USP32: variants seen among roughly 807,000 people sequenced by gnomAD.
USP32 encodes the protein ubiquitin carboxyl-terminal hydrolase 32.
USP32 carries 59 observed loss-of-function variants against 204.8 expected under a neutral mutation model. That is an observed-to-expected ratio of 0.29 (90% CI 0.23 to 0.36). USP32 has a LOEUF of 0.36. Among genes scored for constraint, USP32 ranks in the 10% least tolerant of loss-of-function variants. USP32 has a pLI of 1.00. For synonymous variants in USP32, 517 were observed against 678.4 expected (o/e 0.76, Z 3.70); for missense variants, 1,160 against 1,946.4 (o/e 0.60, Z 7.60).
At chr17:60,297,446 T>C (rs1016856782) in intron 3 of USP32, among the ~76,000 whole-genome samples, 1 of 139,194 alleles carries the variant, frequency 7.2e-6, no homozygotes, top group South Asian at 2.1e-4. Flanking sequence ...TTTTTCCTTT[T>C]CTTTTTTTTT....
intron 2 of USP32, among the ~76,000 whole-genome samples, chr17:60,324,485 T>C (rs1017065186): frequency 6.6e-6 from 1 of 151,944 alleles, no homozygotes; most frequent in Non-Finnish European, 1.5e-5. Flanking sequence ...TTCCTATAGA[T>C]AGAATTTTAT....
At chr17:60,411,235 A>T (rs1031947096) in intron 1 of USP32, among the ~76,000 whole-genome samples, 4 of 151,874 alleles carry the variant, frequency 2.6e-5, no homozygotes, top group African/African-American at 9.7e-5. Context: ...GAGGCAGGAG[A>T]ATCGCTTGAA....
rs751280267 is a variant in USP32, at chr17:60,252,416, T to A, written c.1101A>T (p.Arg367Ser). Residue 367 changes from arginine to serine, a missense_variant, in exon 11 of 34, where the codon AGA becomes AGT. Around this residue, in one of 8 missense-constraint regions of USP32, gnomAD observed 536 missense variants for 680.9 expected, o/e 0.79. Coordinates refer to ENST00000300896, the MANE Select transcript of USP32 (RefSeq NM_032582.4). ...FQVCHIVLGL[R>S]PATPEEEGQI... ...GTCCTTCTTCTTCCGGAGTAGCTGG[T>A]CTTAACCCCAGAACTATGTGACACA... 1 of 1,610,738 alleles carries A rather than the reference T, an allele frequency of 6.2e-7. No individual in the cohort carries two copies. Among genetic ancestry groups the A allele is most frequent in the Non-Finnish European group, 8.5e-7 (1 of 1,178,580 alleles).
At chr17:60,212,167 T>C (rs1320280584) in intron 18 of USP32, 69 bp from the exon 19 acceptor site, 1 of 1,323,112 alleles carries the variant, frequency 7.6e-7, no homozygotes. Context: ...TTGCTTTTTT[T>C]TTTTAAAGAC....
At chr17:60,213,028 C>A (rs1389763787) in intron 18 of USP32, among the ~76,000 whole-genome samples, 1 of 152,220 alleles carries the variant, frequency 6.6e-6, no homozygotes, top group Non-Finnish European at 1.5e-5. Flanking sequence ...GCTGGGATTA[C>A]AGGCGTGAGC....
chr17:60,245,603 CT>C, intron 11 of USP32: 2 of 318,866 alleles, frequency 6.3e-6, no homozygotes, highest in Admixed American at 3.7e-5. Flanking sequence ...TCTTGGTTCT[CT>C]TTTTGATGAT....
At chr17:60,379,261 A>C (rs537316312) in intron 1 of USP32, among the ~76,000 whole-genome samples, 8 of 152,200 alleles carry the variant, frequency 5.3e-5, no homozygotes, top group Non-Finnish European at 7.4e-5. Flanking sequence ...GCACTGGCAT[A>C]AATTGAGGCA....
rs114933597 is a variant in USP32, at chr17:60,242,194, C to T, written c.1137-5954G>A. ...TATTCACAGGTGTGATCACTGCATA[C>T]TCACACTAAAGCCGTGAACTCCTGG... is the stretch of plus-strand genomic sequence containing the variant. On this transcript the variant is annotated intron_variant, in intron 11 of 33. Transcript: ENST00000300896. 1.3e-3 allele frequency among the ~76,000 whole-genome samples: 199 copies of T among 152,224 alleles called. 1 individual carries two copies. Among genetic ancestry groups the T allele is most frequent in the African/African-American group, 4.5e-3 (186 of 41,536 alleles).
At chr17:60,210,806 C>G (rs2084943023) in intron 21 of USP32, among the ~76,000 whole-genome samples, 2 of 152,248 alleles carry the variant, frequency 1.3e-5, no homozygotes, top group Admixed American at 1.3e-4. Flanking sequence ...TAGAGTGTAC[C>G]TTTGGTCTTT....
intron 1 of USP32, 41 bp downstream of exon 1, chr17:60,391,841 C>T (rs369627051): frequency 1.4e-5 from 23 of 1,590,976 alleles, no homozygotes; most frequent in Non-Finnish European, 1.8e-5. Context: ...CTGCCCGTCG[C>T]GGGCCTCCCA....
At chr17:60,421,881 G>C (rs1256093113) in intron 1 of USP32, 1 of 985,460 alleles carries the variant, frequency 1.0e-6, no homozygotes, top group African/African-American at 1.7e-5. Context: ...ACTTGCCCGC[G>C]TCTCAGCGCC....
intron 1 of USP32, among the ~76,000 whole-genome samples, chr17:60,397,171 A>G (rs1038736615): frequency 6.6e-6 from 1 of 152,242 alleles, no homozygotes; most frequent in Non-Finnish European, 1.5e-5. Context: ...ATGGACTCCA[A>G]CTTTGAACAT....
intron 2 of USP32, among the ~76,000 whole-genome samples, chr17:60,316,800 T>TA (rs1302185227): frequency 1.3e-5 from 2 of 152,044 alleles, no homozygotes; most frequent in Admixed American, 1.3e-4. Context: ...GAAATCACAC[T>TA]ATTGCACTCC....
intron 2 of USP32, among the ~76,000 whole-genome samples, chr17:60,304,392 G>A (rs1483081030): frequency 6.7e-6 from 1 of 150,352 alleles, no homozygotes; most frequent in Non-Finnish European, 1.5e-5. Context: ...CAAAAACAGA[G>A]AAGTCATTAC....
intron 2 of USP32, among the ~76,000 whole-genome samples, chr17:60,333,898 AT>A (rs1464892021): frequency 6.6e-6 from 1 of 152,046 alleles, no homozygotes; most frequent in Non-Finnish European, 1.5e-5. Flanking sequence ...AAACAATTCA[AT>A]TTTTTCCTAT....
chr17:60,305,698 T>G (rs572776178), intron 2 of USP32, among the ~76,000 whole-genome samples: 3 of 152,356 alleles, frequency 2.0e-5, no homozygotes, highest in African/African-American at 7.2e-5. Context: ...TCCCTTTCCA[T>G]TCACTGTATC....
intron 1 of USP32, among the ~76,000 whole-genome samples, chr17:60,399,234 T>C (rs547680157): frequency 1.2e-4 from 19 of 152,304 alleles, no homozygotes; most frequent in African/African-American, 4.3e-4. Flanking sequence ...TAAAAGCTCC[T>C]GCTCTCATGG....
chr17:60,357,468 A>AAT (rs2089106703), intron 1 of USP32, among the ~76,000 whole-genome samples: 1 of 151,982 alleles, frequency 6.6e-6, no homozygotes, highest in Admixed American at 6.6e-5. Flanking sequence ...AATAAAAATA[A>AAT]ATATATATAT....
At chr17:60,297,574 T>TG (rs1329735806) in intron 3 of USP32, among the ~76,000 whole-genome samples, 199 of 151,850 alleles carry the variant, frequency 1.3e-3, no homozygotes, top group African/African-American at 4.5e-3. Context: ...TCAGCCTCCC[T>TG]AGTAGCTGGG....
Sources: allele counts gnomAD v4.1 joint callset (sites outside exome capture counted in the v4.1 genomes callset), GRCh38; gene constraint gnomAD v4.1.1; regional missense constraint gnomAD v4.1.1; transcripts MANE v1.5; gene names NCBI Gene and HGNC (gene_info 2026-07-23, HGNC 2026-07-21).